The following SLC8A1 variants were observed in gnomAD, a reference collection of about 807,000 sequenced individuals.
SLC8A1 encodes sodium/calcium exchanger 1.
A neutral mutation model predicts 68.3 loss-of-function variants in SLC8A1; 18 were observed. The observed-to-expected ratio is 0.26, with a 90% CI of 0.18 to 0.39. The LOEUF is 0.39. Among genes scored for constraint, SLC8A1 ranks in the 10% least tolerant of loss-of-function variants. The probability of loss-of-function intolerance (pLI) is 1.00; values close to 1 mark genes in which losing one functional copy is unlikely to be tolerated. For synonymous variants in SLC8A1, 475 were observed against 415.5 expected (o/e 1.14, Z -1.74); for missense variants, 985 against 1,156.7 (o/e 0.85, Z 2.15).
intron 1 of SLC8A1, among the ~76,000 whole-genome samples, chr2:40,458,299 A>C (rs1248603871): frequency 6.6e-6 from 1 of 152,132 alleles, no homozygotes; most frequent in African/African-American, 2.4e-5. Context: ...AGGTAATGTA[A>C]TTCACCTGAC....
chr2:40,255,293 G>GTGGGCAGAAAACCAGCTGGAGATGC (rs1448087476), intron 2 of SLC8A1: 1 of 152,086 alleles, frequency 6.6e-6, no homozygotes. Flanking sequence ...CAGGCTGTGA[G>GTGGGCAGAAAACCAGCTGGAGATGC]TGGGCAGAAA....
At chr2:40,124,145 C>T (rs1014599084) in intron 7 of SLC8A1, among the ~76,000 whole-genome samples, 2 of 152,216 alleles carry the variant, frequency 1.3e-5, no homozygotes, top group African/African-American at 2.4e-5. Context: ...AGAAACTGTA[C>T]TCTAACTTGA....
intron 7 of SLC8A1, among the ~76,000 whole-genome samples, chr2:40,125,715 C>T (rs1036902357): frequency 2.6e-5 from 4 of 151,808 alleles, no homozygotes; most frequent in African/African-American, 9.7e-5. Flanking sequence ...GCCCATCTTT[C>T]TTGGGCTCTT....
chr2:40,200,179 T>TATAA lies in SLC8A1; in HGVS notation c.1809-22325_1809-22324insTTAT, dbSNP rs1553407577. The stretch of plus-strand genomic sequence containing the variant: ...TAGAGGATTTCAAGTCATTGATATA[T>TATAA]ATATATATATATTTATATATATATA... On this transcript the variant is annotated intron_variant, in intron 2 of 7. Coordinates refer to ENST00000406785, the Ensembl canonical transcript of SLC8A1. 4.2e-4 allele frequency among the ~76,000 whole-genome samples: 6 copies of TATAA among 14,222 alleles called. 1 individual carries two copies. The highest frequency in any genetic ancestry group is 1.0e-3 in the Non-Finnish European group (5 of 4,904). 9.3% of individuals were successfully genotyped at this position (14,222 alleles called of 152,430 possible). A position where few individuals can be genotyped will look rare whatever the true frequency, so the allele number is the denominator to read the frequency against.
chr2:40,272,282 G>C (rs112577413), intron 2 of SLC8A1, among the ~76,000 whole-genome samples: 2,482 of 152,194 alleles, frequency 0.016, 42 homozygotes, highest in Middle Eastern at 0.065. Flanking sequence ...GTCCATAATA[G>C]ATCGCAGTCC....
At chr2:40,133,949 G>T (rs1239600537) in intron 7 of SLC8A1, among the ~76,000 whole-genome samples, 1 of 152,080 alleles carries the variant, frequency 6.6e-6, no homozygotes, top group Non-Finnish European at 1.5e-5. Context: ...GGCTCCAAAT[G>T]CTCCTTCTTA....
chr2:40,334,839 C>A (rs902196182), intron 2 of SLC8A1, among the ~76,000 whole-genome samples: 1 of 152,168 alleles, frequency 6.6e-6, no homozygotes, highest in Non-Finnish European at 1.5e-5. Context: ...GCCAGTCCCT[C>A]GGCCATACTG....
At chr2:40,465,353 G>A (rs1316096943) in intron 1 of SLC8A1, among the ~76,000 whole-genome samples, 2 of 152,062 alleles carry the variant, frequency 1.3e-5, no homozygotes, top group African/African-American at 4.8e-5. Context: ...CATTTACACT[G>A]ATTTTTCCAG....
chr2:40,239,547 A>G (rs1251201299), intron 2 of SLC8A1, among the ~76,000 whole-genome samples: 1 of 152,170 alleles, frequency 6.6e-6, no homozygotes, highest in East Asian at 1.9e-4. Context: ...GGGCTGCATT[A>G]GGGGTTGGGT....
chr2:40,320,954 A>G (rs1049447453), intron 2 of SLC8A1, among the ~76,000 whole-genome samples: 1 of 152,226 alleles, frequency 6.6e-6, no homozygotes, highest in East Asian at 1.9e-4. Context: ...GGATCCCTGG[A>G]CTGCCCACTC....
At chr2:40,505,422 T>G (rs1175162943) in intron 1 of SLC8A1, among the ~76,000 whole-genome samples, 1 of 151,912 alleles carries the variant, frequency 6.6e-6, no homozygotes, top group East Asian at 1.9e-4. Flanking sequence ...TATTTCACAT[T>G]GCATGCCTGT....
intron 2 of SLC8A1, among the ~76,000 whole-genome samples, chr2:40,348,327 A>G (rs1415923544): frequency 6.6e-6 from 1 of 152,170 alleles, no homozygotes; most frequent in Non-Finnish European, 1.5e-5. Context: ...TTCCAGCTTT[A>G]TATTTTGCTG....
intron 2 of SLC8A1, among the ~76,000 whole-genome samples, chr2:40,423,328 C>T (rs1347346150): frequency 1.3e-5 from 2 of 152,016 alleles, no homozygotes; most frequent in African/African-American, 4.8e-5. Flanking sequence ...CTATAGTTTA[C>T]AAAATGTCTT....
At chr2:40,239,602 G>A (rs1245620808) in intron 2 of SLC8A1, among the ~76,000 whole-genome samples, 1 of 152,128 alleles carries the variant, frequency 6.6e-6, no homozygotes, top group African/African-American at 2.4e-5. Flanking sequence ...GCTGCCTCGT[G>A]AAATACAGCC....
intron 7 of SLC8A1, among the ~76,000 whole-genome samples, chr2:40,133,565 C>T (rs996937259): frequency 2.6e-5 from 4 of 152,062 alleles, no homozygotes; most frequent in African/African-American, 9.6e-5. Context: ...GCCTATCATA[C>T]CCAATTTTTA....
At chr2:40,498,973 C>T (rs910740247) in intron 1 of SLC8A1, among the ~76,000 whole-genome samples, 1 of 151,898 alleles carries the variant, frequency 6.6e-6, no homozygotes, top group Admixed American at 6.6e-5. Flanking sequence ...GAAATAAGAG[C>T]ACATTCAAAG....
At chr2:40,395,888 A>T in intron 2 of SLC8A1, among the ~76,000 whole-genome samples, 1 of 152,166 alleles carries the variant, frequency 6.6e-6, no homozygotes, top group East Asian at 1.9e-4. Context: ...ATTCATTTTT[A>T]CTAATAGTAT....
chr2:40,179,846 T>C (rs1160219277), intron 2 of SLC8A1, among the ~76,000 whole-genome samples: 1 of 152,214 alleles, frequency 6.6e-6, no homozygotes, highest in African/African-American at 2.4e-5. Flanking sequence ...TCTCTGAATT[T>C]CCCAGCGCCT....
At chr2:40,502,020 A>G (rs1706088575) in intron 1 of SLC8A1, among the ~76,000 whole-genome samples, 1 of 152,030 alleles carries the variant, frequency 6.6e-6, no homozygotes, top group Non-Finnish European at 1.5e-5. Context: ...CCTCACAAGA[A>G]TTTAAATCTC....
Sources: gnomAD v4.1 joint callset for allele counts (sites outside exome capture counted in the v4.1 genomes callset) on GRCh38, gnomAD v4.1.1 for gene constraint, MANE v1.5 for transcripts, NCBI Gene and HGNC (gene_info 2026-07-23, HGNC 2026-07-21) for gene names.